The following BORCS5 variants were observed in gnomAD, a reference collection of about 807,000 sequenced individuals.
BORCS5 encodes the protein BLOC-1-related complex subunit 5.
BORCS5 carries 17 observed loss-of-function variants against 22.1 expected under a neutral mutation model. The observed-to-expected ratio is 0.77, with a 90% CI of 0.53 to 1.15. BORCS5 has a LOEUF of 1.15. BORCS5 is among the 50% of genes most tolerant of loss of function. The pLI is 0.00. For missense variants in BORCS5, 247 were observed against 253.2 expected (o/e 0.98, Z 0.17); for synonymous variants, 117 against 99.8 (o/e 1.17, Z -1.03).
At chr12:12,448,205 T>C (rs891022016) in intron 3 of BORCS5, among the ~76,000 whole-genome samples, 2 of 152,108 alleles carry the variant, frequency 1.3e-5, no homozygotes, top group African/African-American at 4.8e-5. Flanking sequence ...TTCAATTCTT[T>C]TATTTTTATT....
At position 12,414,361 on chromosome 12, in the gene BORCS5, G is replaced by A. The variant is rs1304394929; in HGVS notation, c.203-21267G>A. On this transcript the variant is annotated intron_variant, in intron 2 of 3. Coordinates refer to ENST00000314565, the MANE Select transcript of BORCS5 (RefSeq NM_058169.6). ...TGGCCCCCCCACCTCCCTCCCGGAC[G>A]GGGTGGCTGGTCAGGCGGGGGGCTG... 1.3e-4 allele frequency among the ~76,000 whole-genome samples: 14 copies of A among 108,540 alleles called. No individual in the cohort carries two copies. The East Asian group carries it at 2.0e-3, about 15-fold the overall frequency. The allele number at this position is 108,540 out of a possible 152,430, so 71.2% of individuals were successfully genotyped here. A position where few individuals can be genotyped will look rare whatever the true frequency, so the allele number is the denominator to read the frequency against.
intron 3 of BORCS5, among the ~76,000 whole-genome samples, chr12:12,449,966 C>T (rs555501905): frequency 1.3e-5 from 2 of 152,288 alleles, no homozygotes; most frequent in Admixed American, 1.3e-4. Flanking sequence ...TGGATTTTGT[C>T]ATTTGATTTT....
chr12:12,463,732 G>T (rs781462353), intron 3 of BORCS5, among the ~76,000 whole-genome samples: 25 of 152,322 alleles, frequency 1.6e-4, no homozygotes, highest in African/African-American at 5.8e-4. Flanking sequence ...CCAGCTGGAT[G>T]TGGAAACATG....
At chr12:12,433,765 A>T (rs1057478587) in intron 2 of BORCS5, among the ~76,000 whole-genome samples, 6 of 152,120 alleles carry the variant, frequency 3.9e-5, no homozygotes, top group Non-Finnish European at 8.8e-5. Context: ...GAGCAGTGGA[A>T]TGTGGAGGAG....
chr12:12,454,196 G>A (rs1942961255), intron 3 of BORCS5, among the ~76,000 whole-genome samples: 1 of 152,206 alleles, frequency 6.6e-6, no homozygotes, highest in Admixed American at 6.5e-5. Context: ...GGGAATACAT[G>A]TGAAGTGAAA....
chr12:12,433,998 G>T (rs113038935), intron 2 of BORCS5, among the ~76,000 whole-genome samples: 1,885 of 152,114 alleles, frequency 0.012, 30 homozygotes, highest in South Asian at 0.028. Context: ...TGGTGGTTGG[G>T]GTCGGTGAGG....
At chr12:12,406,980 G>T (rs971536960) in intron 2 of BORCS5, among the ~76,000 whole-genome samples, 20 of 152,138 alleles carry the variant, frequency 1.3e-4, no homozygotes, top group African/African-American at 4.8e-4. Flanking sequence ...GCTGAAGTGT[G>T]GGGGGCACCC....
At chr12:12,438,704 C>T (rs138690595) in intron 3 of BORCS5, among the ~76,000 whole-genome samples, 105 of 152,304 alleles carry the variant, frequency 6.9e-4, no homozygotes, top group African/African-American at 2.5e-3. Context: ...TTACCAGCCA[C>T]TACAATCATC....
chr12:12,375,844 G>A (rs1863637898), intron 2 of BORCS5, among the ~76,000 whole-genome samples: 1 of 152,020 alleles, frequency 6.6e-6, no homozygotes, highest in African/African-American at 2.4e-5. Context: ...ATGGAGTCCA[G>A]CCCAGGCTGG....
At chr12:12,396,305 TTGGCCTTG>T (rs1355763595) in intron 2 of BORCS5, among the ~76,000 whole-genome samples, 2 of 152,256 alleles carry the variant, frequency 1.3e-5, no homozygotes, top group Admixed American at 6.5e-5. Flanking sequence ...ATTTTGAATT[TTGGCCTTG>T]TGGCCTTGCA....
intron 2 of BORCS5, among the ~76,000 whole-genome samples, chr12:12,367,644 C>T (rs1419560436): frequency 6.6e-6 from 1 of 152,140 alleles, no homozygotes; most frequent in Admixed American, 6.6e-5. Context: ...TGGGAAGTAC[C>T]AGGTGAATGG....
chr12:12,415,645 T>C (rs897610104), intron 2 of BORCS5, among the ~76,000 whole-genome samples: 2 of 151,092 alleles, frequency 1.3e-5, no homozygotes, highest in African/African-American at 4.9e-5. Flanking sequence ...GATTTTCGTG[T>C]GTTGAATCAT....
rs1201308372 is a variant in BORCS5 at position 12,466,186 on chromosome 12, C to T, written c.*410C>T. 6.1e-6 allele frequency: 1 copy of T among 163,940 alleles called. No homozygotes were observed. The highest frequency in any genetic ancestry group is 1.3e-5 in the Non-Finnish European group (1 of 76,366). 10.2% of individuals were successfully genotyped at this position (163,940 alleles called of 1,614,324 possible). A position where few individuals can be genotyped will look rare whatever the true frequency, so the allele number is the denominator to read the frequency against. On this transcript the variant is annotated 3_prime_UTR_variant, in exon 4 of 4. Coordinates refer to ENST00000314565, the MANE Select transcript of BORCS5 (RefSeq NM_058169.6). The stretch of plus-strand genomic sequence containing the variant: ...GTTCTCAACGCCCTCATGAACTTTT[C>T]AGTAGGCTGTCTGGTTTATGTGTGG...
intron 2 of BORCS5, among the ~76,000 whole-genome samples, chr12:12,388,587 C>T (rs1863931898): frequency 6.8e-6 from 1 of 147,996 alleles, no homozygotes; most frequent in Non-Finnish European, 1.5e-5. Context: ...GTTAGTGTTC[C>T]ATAATTATAC....
At position 12,468,746 on chromosome 12, in the gene BORCS5, A is replaced by G. The variant is rs1490246685; in HGVS notation, c.*2970A>G. ...TAGAGCCTGTTTTGCTTATCTTGCA[A>G]TCTGTTCATTTCTGTTGATGAACAC... On this transcript the variant is annotated 3_prime_UTR_variant, in exon 4 of 4. Transcript: ENST00000314565. 6.6e-6 allele frequency: 1 copy of G among 152,118 alleles called. No homozygotes were observed. The highest frequency in any genetic ancestry group is 2.4e-5 in the African/African-American group (1 of 41,416). The allele number at this position is 152,118 out of a possible 1,614,324, so 9.4% of individuals were successfully genotyped here. A position where few individuals can be genotyped will look rare whatever the true frequency, so the allele number is the denominator to read the frequency against.
chr12:12,359,212 C>T (rs1863218880), intron 1 of BORCS5, among the ~76,000 whole-genome samples: 1 of 152,080 alleles, frequency 6.6e-6, no homozygotes, highest in African/African-American at 2.4e-5. Flanking sequence ...TTGCCTCAGC[C>T]TAGAATGGAC....
In BORCS5 at chr12:12,430,151, A is replaced by ATT. The variant is rs71061068; in HGVS notation, c.203-5461_203-5460dup. Among the ~76,000 whole-genome samples the ATT allele has an allele frequency of 1.4e-4, 15 of 107,748 alleles. 1 individual carries two copies. Among genetic ancestry groups the ATT allele is most frequent in the African/African-American group, 4.5e-4 (11 of 24,570 alleles). The allele number at this position is 107,748 out of a possible 152,430, so 70.7% of individuals were successfully genotyped here. A position where few individuals can be genotyped will look rare whatever the true frequency, so the allele number is the denominator to read the frequency against. ...TACCACTTTAATCACCTTAGAGAAA[A>ATT]TTTTTTTTTTTTTTTTTGAGACAGA... On this transcript the variant is annotated intron_variant, in intron 2 of 3. Coordinates refer to ENST00000314565, the MANE Select transcript of BORCS5 (RefSeq NM_058169.6).
chr12:12,369,707 C>G (rs561705052), intron 2 of BORCS5, among the ~76,000 whole-genome samples: 3 of 127,008 alleles, frequency 2.4e-5, no homozygotes, highest in African/African-American at 1.2e-4. Flanking sequence ...ATTCACCCCC[C>G]ACTTCTTTTT....
intron 2 of BORCS5, among the ~76,000 whole-genome samples, chr12:12,368,254 C>T (rs1480850846): frequency 6.6e-6 from 1 of 151,646 alleles, no homozygotes; most frequent in Non-Finnish European, 1.5e-5. Context: ...GTTTATGATA[C>T]CTCCCCACCC....
Sources: allele counts gnomAD v4.1 joint callset (sites outside exome capture counted in the v4.1 genomes callset), GRCh38; gene constraint gnomAD v4.1.1; transcripts MANE v1.5; gene names NCBI Gene and HGNC (gene_info 2026-07-23, HGNC 2026-07-21).